The following EXOC4 variants were observed in gnomAD, a reference collection of about 807,000 sequenced individuals.
EXOC4 encodes the protein SEC8-like 1.
In EXOC4, 71 loss-of-function variants were observed where a neutral mutation model predicts 107.2. The ratio of observed to expected loss-of-function variants is 0.66; its 90% CI spans 0.55 to 0.81. The LOEUF is 0.81. Ranked by LOEUF, EXOC4 falls within the 30% of genes least tolerant of loss-of-function variation. The pLI is 0.00. For synonymous variants in EXOC4, 456 were observed against 441.2 expected (o/e 1.03, Z -0.42); for missense variants, 1,108 against 1,189.6 (o/e 0.93, Z 1.01).
At chr7:133,372,061 G>A (rs181892566) in intron 6 of EXOC4, among the ~76,000 whole-genome samples, 1 of 152,156 alleles carries the variant, frequency 6.6e-6, no homozygotes, top group Admixed American at 6.5e-5. Flanking sequence ...TAAATCCTTT[G>A]TCCATTTTTA....
chr7:133,934,594 T>C (rs1031850572), intron 13 of EXOC4, among the ~76,000 whole-genome samples: 2 of 152,146 alleles, frequency 1.3e-5, no homozygotes, highest in East Asian at 3.9e-4. Flanking sequence ...CTTACATAAA[T>C]ACATTTGTCT....
intron 9 of EXOC4, among the ~76,000 whole-genome samples, chr7:133,594,513 T>TTTTTTTTTTTTTA (rs59916199): frequency 7.3e-6 from 1 of 136,630 alleles, no homozygotes; most frequent in Admixed American, 7.4e-5. Flanking sequence ...TTTTTTTTTT[T>TTTTTTTTTTTTTA]GAGACGGAGT....
intron 5 of EXOC4, among the ~76,000 whole-genome samples, chr7:133,345,237 A>G (rs1311775524): frequency 1.3e-5 from 2 of 152,202 alleles, no homozygotes; most frequent in African/African-American, 4.8e-5. Context: ...ATGAATGAAG[A>G]AATCAAGGTC....
chr7:133,491,532 C>T (rs570385030), intron 9 of EXOC4, among the ~76,000 whole-genome samples: 1 of 152,224 alleles, frequency 6.6e-6, no homozygotes, highest in South Asian at 2.1e-4. Flanking sequence ...CTAGGTTATT[C>T]ATCTGTGTAA....
At chr7:133,923,972 A>G (rs578014760) in intron 13 of EXOC4, among the ~76,000 whole-genome samples, 1 of 146,050 alleles carries the variant, frequency 6.8e-6, no homozygotes, top group East Asian at 2.0e-4. Flanking sequence ...TGTCATGACT[A>G]TAGTGTAGAG....
chr7:133,814,605 C>G (rs1229352577), intron 10 of EXOC4, among the ~76,000 whole-genome samples: 1 of 152,118 alleles, frequency 6.6e-6, no homozygotes, highest in South Asian at 2.1e-4. Context: ...GCCAACCTGC[C>G]TTCCATAAGG....
chr7:133,843,815 T>A (rs1484241585), intron 11 of EXOC4, among the ~76,000 whole-genome samples: 1 of 152,164 alleles, frequency 6.6e-6, no homozygotes, highest in Non-Finnish European at 1.5e-5. Flanking sequence ...AGATGGTTCA[T>A]ATTATTTTGA....
intron 3 of EXOC4, 133 bp from the exon 4 acceptor site, chr7:133,305,744 G>A (rs10229242): frequency 0.28 from 189,022 of 679,914 alleles, 31,414 homozygotes; most frequent in African/African-American, 0.65. Flanking sequence ...TATACTCTAC[G>A]AAGTCTTTTA....
intron 7 of EXOC4, among the ~76,000 whole-genome samples, chr7:133,392,647 T>G (rs1447651453): frequency 6.6e-6 from 1 of 152,148 alleles, no homozygotes; most frequent in Non-Finnish European, 1.5e-5. Flanking sequence ...CCTGTAGAAA[T>G]GTGAAAAATT....
chr7:133,743,655 A>AC (rs11396657), intron 10 of EXOC4, among the ~76,000 whole-genome samples: 86,673 of 151,746 alleles, frequency 0.57, 25,402 homozygotes, highest in South Asian at 0.7. Flanking sequence ...ATTAGTCAAA[A>AC]CCCCCCCATG....
chr7:133,303,138 T>G (rs1056385585), intron 3 of EXOC4, among the ~76,000 whole-genome samples: 1 of 152,134 alleles, frequency 6.6e-6, no homozygotes, highest in Non-Finnish European at 1.5e-5. Flanking sequence ...TAAAACCAGA[T>G]AAGATTAATG....
At position 133,350,373 on chromosome 7, in the gene EXOC4, C is replaced by T. The variant is rs369736283; in HGVS notation, c.764-5957C>T. ...TATATGGTGTTAGATAAGGATCCAACTTCATTTTTTGTATGTAGATATTGT... is the reference window on the plus strand; with the variant it reads ...TATATGGTGTTAGATAAGGATCCAATTTCATTTTTTGTATGTAGATATTGT... On this transcript the variant is annotated intron_variant, in intron 5 of 17. Transcript: ENST00000253861. Among the ~76,000 whole-genome samples the T allele has an allele frequency of 1.4e-4, 21 of 152,128 alleles. 1 individual carries two copies. The highest frequency in any genetic ancestry group is 5.1e-4 in the African/African-American group (21 of 41,538).
intron 13 of EXOC4, among the ~76,000 whole-genome samples, chr7:133,931,891 G>T (rs549047360): frequency 6.6e-6 from 1 of 152,316 alleles, no homozygotes; most frequent in South Asian, 2.1e-4. Context: ...CTAGACCTTT[G>T]CCTCTGCCAT....
At position 133,317,299 on chromosome 7, in the gene EXOC4, T is replaced by A. The variant is rs1267302005; in HGVS notation, c.672T>A (p.Asp224Glu). Residue 224 changes from aspartate (D) to glutamate (E), a missense_variant, in exon 5 of 18, where the codon GAT becomes GAA. Physicochemically the swap from Asp to Glu is conservative, Grantham distance 45. Coordinates refer to ENST00000253861, the MANE Select transcript of EXOC4 (RefSeq NM_021807.4). ...TCCCGTTCAGCTCCCTCGTGAAAGA[T>A]GCTTCTGTTCCTCTGATTGATGTTA... ...EKGKISSLVK[D>E]ASVPLIDVTN... 6.2e-7 allele frequency: 1 copy of A among 1,613,164 alleles called. No homozygotes were observed. The highest frequency in any genetic ancestry group is 1.7e-5 in the Admixed American group (1 of 59,988).
chr7:134,011,798 AAAG>A (rs1794771454), intron 17 of EXOC4, among the ~76,000 whole-genome samples: 1 of 151,946 alleles, frequency 6.6e-6, no homozygotes, highest in Non-Finnish European at 1.5e-5. Flanking sequence ...AAAAAAAAAA[AAAG>A]AGTAGGCATG....
chr7:133,503,660 C>T (rs942394781), intron 9 of EXOC4, among the ~76,000 whole-genome samples: 2 of 152,176 alleles, frequency 1.3e-5, no homozygotes, highest in Admixed American at 6.6e-5. Context: ...TTGATGATTA[C>T]ATGCTTTTCG....
intron 17 of EXOC4, among the ~76,000 whole-genome samples, chr7:134,039,752 C>T (rs544522376): frequency 6.6e-6 from 1 of 152,298 alleles, no homozygotes; most frequent in East Asian, 1.9e-4. Context: ...TCTCATACAG[C>T]AGGTCCCCAT....
intron 14 of EXOC4, among the ~76,000 whole-genome samples, chr7:133,960,766 T>TTGC (rs1251206661): frequency 2.0e-5 from 3 of 152,352 alleles, no homozygotes; most frequent in African/African-American, 7.2e-5. Context: ...ATCAGGGATA[T>TTGC]TGCTGTACGA....
At chr7:133,910,457 G>A (rs915847475) in intron 12 of EXOC4, among the ~76,000 whole-genome samples, 4 of 152,166 alleles carry the variant, frequency 2.6e-5, no homozygotes, top group Non-Finnish European at 5.9e-5. Context: ...AGAGTTATCA[G>A]AAGTTGTCAT....
Sources: allele counts gnomAD v4.1 joint callset (sites outside exome capture counted in the v4.1 genomes callset), GRCh38; gene constraint gnomAD v4.1.1; transcripts MANE v1.5; gene names NCBI Gene and HGNC (gene_info 2026-07-23, HGNC 2026-07-21).